MYL1: variants seen among roughly 807,000 people sequenced by gnomAD.
MYL1 encodes the protein myosin light chain 1/3, skeletal muscle isoform.
A neutral mutation model predicts 21.8 loss-of-function variants in MYL1; 16 were observed. The observed-to-expected ratio is 0.74, with a 90% confidence interval of 0.50 to 1.12. The LOEUF (loss-of-function observed/expected upper bound fraction) is 1.12. Among genes scored for constraint, MYL1 ranks in the 50% most tolerant of loss-of-function variants. The pLI is 0.00. For synonymous variants in MYL1, 99 were observed against 85.2 expected, an observed-to-expected ratio of 1.16 and a Z score of -0.89; for missense variants, 246 against 241.0, an observed-to-expected ratio of 1.02 and a Z score of -0.14.
rs1690216835 is a variant in MYL1 at position 210,298,570 on chromosome 2, A to AAAGCAAG, written c.161-14_161-8dup. 6.2e-7 allele frequency: 1 copy of AAAGCAAG among 1,613,770 alleles called. No homozygotes were observed. ...AGAAATGCCTCCTTGAATTCTGCAA[A>AAAGCAAG]AAGCAAGAAGCATTAGAGTGCTCTT... On this transcript the variant is annotated splice_polypyrimidine_tract_variant and splice_region_variant and intron_variant, in intron 2 of 6. Coordinates refer to ENST00000352451, the MANE Select transcript of MYL1 (RefSeq NM_079420.3).
At chr2:210,290,716 T>G (rs1690062281) in intron 6 of MYL1, among the ~76,000 whole-genome samples, 1 of 152,160 alleles carries the variant, frequency 6.6e-6, no homozygotes, top group Non-Finnish European at 1.5e-5. Flanking sequence ...GCCTGTGCTT[T>G]TATTAGTGTT....
chr2:210,303,505 T>G (rs1690294947), intron 1 of MYL1: 1 of 1,590,946 alleles, frequency 6.3e-7, no homozygotes, highest in African/African-American at 1.4e-5. Flanking sequence ...ATCTATTTTC[T>G]CCTATAAATG....
Position 210,302,410 on chromosome 2 carries a change from T to C in MYL1, c.160+78A>G. The C allele has an allele frequency of 2.2e-6, 3 of 1,382,656 alleles. 1 individual carries two copies. The Admixed American group carries it at 6.9e-5, about 32-fold the overall frequency. 85.6% of individuals were successfully genotyped at this position (1,382,656 alleles called of 1,614,324 possible). A position where few individuals can be genotyped will look rare whatever the true frequency, so the allele number is the denominator to read the frequency against. ...TGGGGATAATTAGGAAGAGCTAAAC[T>C]CATCCCAAGGGAGTTGGTTTTCACA... On this transcript the variant is annotated intron_variant, in intron 2 of 6. Transcript: ENST00000352451.
At chr2:210,305,863 C>A (rs1370198895) in intron 1 of MYL1, among the ~76,000 whole-genome samples, 1 of 150,984 alleles carries the variant, frequency 6.6e-6, no homozygotes, top group East Asian at 2.0e-4. Flanking sequence ...GGGTTCAAGA[C>A]CAGCCTGACC....
At chr2:210,302,828 C>T in intron 1 of MYL1, 6 of 1,548,946 alleles carry the variant, frequency 3.9e-6, no homozygotes, top group Non-Finnish European at 5.2e-6. Flanking sequence ...AGAAAAAAAA[C>T]TAGTACTCTT....
rs150240747 is a variant in MYL1 at position 210,294,265 on chromosome 2, C to T, written c.458G>A (p.Arg153His). ...CTTACCCAGGGTGGCTAGAACATGGCGGAGTTCAGCACCCATGACTGTGCC... is the reference window on the plus strand; with the variant it reads ...CTTACCCAGGGTGGCTAGAACATGGTGGAGTTCAGCACCCATGACTGTGCC... ...GNGTVMGAEL[R>H]HVLATLGEKM... Residue 153 changes from arginine (R) to histidine (H), a missense_variant, in exon 4 of 7, where the codon CGC becomes CAC. Arg to His is a conservative substitution (Grantham distance 29, BLOSUM62 0). Coordinates refer to ENST00000352451, the MANE Select transcript of MYL1 (RefSeq NM_079420.3). 38 of 1,611,882 alleles carry T rather than the reference C, an allele frequency of 2.4e-5. No homozygotes were observed. The highest frequency in any genetic ancestry group is 1.6e-4 in the Middle Eastern group (1 of 6,074).
At chr2:210,302,679 T>C in intron 1 of MYL1, 164 bp from the exon 2 acceptor site, 2 of 1,523,118 alleles carry the variant, frequency 1.3e-6, no homozygotes, top group Non-Finnish European at 1.8e-6. Context: ...GGTTAAGCCA[T>C]AGTGTAACAT....
chr2:210,303,671 G>T, intron 1 of MYL1: 1 of 1,388,132 alleles, frequency 7.2e-7, no homozygotes, highest in Non-Finnish European at 9.7e-7. Flanking sequence ...TGACCTCACA[G>T]CTAGCATCAG....
intron 1 of MYL1, among the ~76,000 whole-genome samples, chr2:210,312,631 A>T (rs1038838608): frequency 6.6e-6 from 1 of 151,920 alleles, no homozygotes; most frequent in African/African-American, 2.4e-5. Flanking sequence ...AAAGCATTGA[A>T]GATATTTACA....
At chr2:210,292,507 G>T (rs1690093652) in intron 5 of MYL1, among the ~76,000 whole-genome samples, 1 of 150,992 alleles carries the variant, frequency 6.6e-6, no homozygotes, top group East Asian at 1.9e-4. Context: ...TTATTAATTT[G>T]TAGTAGTTCT....
At chr2:210,302,776 T>C (rs1690283762) in intron 1 of MYL1, 1 of 1,565,922 alleles carries the variant, frequency 6.4e-7, no homozygotes, top group South Asian at 1.2e-5. Context: ...ACCAGCAATC[T>C]GGTCAGCACT....
chr2:210,302,276 C>G (rs868302636), intron 2 of MYL1, among the ~76,000 whole-genome samples: 5 of 151,948 alleles, frequency 3.3e-5, no homozygotes, highest in Admixed American at 6.6e-5. Context: ...TGGTGCTTAT[C>G]TTTTGTTTGT....
chr2:210,298,517 C>T lies in MYL1; in HGVS notation c.207G>A (p.Lys69=). 1 of 1,614,066 alleles carries T rather than the reference C, an allele frequency of 6.2e-7. No homozygotes were observed. The highest frequency in any genetic ancestry group is 8.5e-7 in the Non-Finnish European group (1 of 1,179,986). The change falls in exon 3 of 7, where the codon AAG becomes AAA. Residue 69 remains lysine (K), a synonymous_variant. Transcript: ENST00000352451. ...FLLFDRTGDS[K]ITLSQVGDVL... The stretch of plus-strand genomic sequence containing the variant: ...CATCACCGACCTGGCTTAAGGTGAT[C>T]TTGGAATCACCTGTTCTGTCAAACA...
intron 2 of MYL1, among the ~76,000 whole-genome samples, chr2:210,299,746 C>T (rs1575704083): frequency 6.6e-6 from 1 of 152,110 alleles, no homozygotes; most frequent in East Asian, 1.9e-4. Flanking sequence ...AACTAGATTA[C>T]ATTTTCTGGG....
At chr2:210,294,613 T>C (rs766612359) in intron 3 of MYL1, among the ~76,000 whole-genome samples, 195 bp from the exon 4 acceptor site, 13 of 152,166 alleles carry the variant, frequency 8.5e-5, no homozygotes, top group Non-Finnish European at 1.5e-4. Flanking sequence ...TTCCTGAGCT[T>C]TTATTCCCAG....
chr2:210,314,153 C>T (rs1665431719), intron 1 of MYL1, among the ~76,000 whole-genome samples: 1 of 152,096 alleles, frequency 6.6e-6, no homozygotes, highest in South Asian at 2.1e-4. Flanking sequence ...TAATTAATCA[C>T]ATTTTTCTTA....
chr2:210,307,676 G>A (rs2125743753), intron 1 of MYL1, among the ~76,000 whole-genome samples: 1 of 152,188 alleles, frequency 6.6e-6, no homozygotes, highest in Middle Eastern at 3.4e-3. Context: ...GCTATCAATT[G>A]ATGTCGGATT....
intron 1 of MYL1, among the ~76,000 whole-genome samples, chr2:210,307,124 A>G (rs1326896490): frequency 1.3e-5 from 2 of 152,164 alleles, no homozygotes; most frequent in African/African-American, 4.8e-5. Flanking sequence ...TGTTTCCCCC[A>G]GTATTCAACA....
chr2:210,298,427 G>A lies in MYL1; in HGVS notation c.297C>T (p.Ser99=). 6.2e-7 allele frequency: 1 copy of A among 1,613,114 alleles called. No individual in the cohort carries two copies. The highest frequency in any genetic ancestry group is 1.1e-5 in the South Asian group (1 of 91,048). ...AEVRKVLGNP[S]NEELNAKKIE... ...GAAAAATTGATGGGTTACCTTCATT[G>A]CTGGGGTTTCCCAGAACTTTCCTGA... Residue 99 remains serine, a synonymous_variant, in exon 3 of 7, where the codon AGC becomes AGT. Coordinates refer to ENST00000352451, the MANE Select transcript of MYL1 (RefSeq NM_079420.3).
Sources: allele counts gnomAD v4.1 joint callset (sites outside exome capture counted in the v4.1 genomes callset), GRCh38; gene constraint gnomAD v4.1.1; transcripts MANE v1.5; gene names NCBI Gene and HGNC (gene_info 2026-07-23, HGNC 2026-07-21).